GRM1: variants seen among roughly 807,000 people sequenced by gnomAD.
The protein encoded by GRM1 is glutamate metabotropic receptor 1, also known as metabotropic glutamate receptor 1.
In GRM1, 33 loss-of-function variants were observed where a neutral mutation model predicts 90.9. The ratio of observed to expected loss-of-function variants is 0.36; its 90% CI spans 0.28 to 0.49. GRM1 has a LOEUF of 0.49. Among genes scored for constraint, GRM1 ranks in the 20% least tolerant of loss-of-function variants. GRM1 has a pLI of 0.99. For missense variants in GRM1, 1,190 were observed against 1,534.3 expected, an observed-to-expected ratio of 0.78 and a Z score of 3.75; for synonymous variants, 700 against 613.2, an observed-to-expected ratio of 1.14 and a Z score of -2.09.
intron 1 of GRM1, among the ~76,000 whole-genome samples, chr6:146,150,804 A>G (rs1324293397): frequency 6.6e-6 from 1 of 152,150 alleles, no homozygotes; most frequent in African/African-American, 2.4e-5. Context: ...AATATGCAAT[A>G]CTTGTTTTTG....
At position 146,377,006 on chromosome 6, in the gene GRM1, C is replaced by T. The variant is rs138391010; in HGVS notation, c.1603-9884C>T. 5.3e-3 allele frequency among the ~76,000 whole-genome samples: 814 copies of T among 152,212 alleles called. 4 individuals are homozygous for T. The highest frequency in any genetic ancestry group is 8.9e-3 in the Non-Finnish European group (605 of 68,008). On this transcript the variant is annotated intron_variant, in intron 5 of 7. Transcript: ENST00000282753. The stretch of plus-strand genomic sequence containing the variant: ...CTCTCTTGCCTGTCACCATGCAAGA[C>T]GTGACTTTACCCCTCCTTTGCCTTC...
At chr6:146,036,268 G>T (rs998176154) in intron 1 of GRM1, among the ~76,000 whole-genome samples, 3 of 151,840 alleles carry the variant, frequency 2.0e-5, no homozygotes, top group Non-Finnish European at 4.4e-5. Flanking sequence ...AGAATAGTTT[G>T]GTGAACACCT....
intron 5 of GRM1, among the ~76,000 whole-genome samples, chr6:146,373,243 A>G (rs1473027318): frequency 6.6e-6 from 1 of 152,110 alleles, no homozygotes; most frequent in Non-Finnish European, 1.5e-5. Flanking sequence ...TCCCACTGCT[A>G]TAAAGAACTA....
rs943938850 is a variant in GRM1 at position 146,083,842 on chromosome 6, A to G, written c.700+53625A>G. ...CCACTTTGTACCTCTGGTGGAATTC[A>G]GCTGTGAATCTGTCTGGTCCCAGGC... On this transcript the variant is annotated intron_variant, in intron 1 of 7. Transcript: ENST00000282753. 2.6e-5 allele frequency among the ~76,000 whole-genome samples: 4 copies of G among 152,278 alleles called. No individual in the cohort carries two copies. The South Asian group carries it at 6.2e-4, about 24-fold the overall frequency.
rs965667054 is a variant in GRM1 at position 146,029,385 on chromosome 6, G to A, written c.-133G>A. ...GGTGGTGGAGGAGGCAAAGGCCTTG[G>A]ACGACCATTGTTGGCGAGGGGCACC... is the stretch of plus-strand genomic sequence containing the variant. On this transcript the variant is annotated 5_prime_UTR_variant, in exon 1 of 8. Transcript: ENST00000282753. 40 of 784,010 alleles carry A rather than the reference G, an allele frequency of 5.1e-5. No homozygotes were observed. The Admixed American group carries it at 7.1e-4, about 14-fold the overall frequency. 48.6% of individuals were successfully genotyped at this position (784,010 alleles called of 1,614,324 possible).
intron 1 of GRM1, among the ~76,000 whole-genome samples, chr6:146,031,873 T>C (rs1357742531): frequency 1.3e-5 from 2 of 152,172 alleles, no homozygotes; most frequent in African/African-American, 2.4e-5. Context: ...CTAGATTGAA[T>C]GTGATTTATT....
intron 5 of GRM1, among the ~76,000 whole-genome samples, chr6:146,360,101 AAG>A (rs1775408219): frequency 6.6e-6 from 1 of 152,180 alleles, no homozygotes; most frequent in African/African-American, 2.4e-5. Flanking sequence ...GTCAAGATAT[AAG>A]AGAAACAGGC....
intron 1 of GRM1, among the ~76,000 whole-genome samples, chr6:146,130,038 A>T (rs979143324): frequency 6.6e-6 from 1 of 152,154 alleles, no homozygotes; most frequent in Non-Finnish European, 1.5e-5. Context: ...AAAAAATGCC[A>T]GTTGTCAATA....
At chr6:146,134,314 G>C (rs576777418) in intron 1 of GRM1, among the ~76,000 whole-genome samples, 1 of 152,166 alleles carries the variant, frequency 6.6e-6, no homozygotes. Flanking sequence ...TGAATGTAAA[G>C]GGCTTAATTT....
At chr6:146,152,119 A>G (rs368751445) in intron 1 of GRM1, among the ~76,000 whole-genome samples, 1 of 152,304 alleles carries the variant, frequency 6.6e-6, no homozygotes, top group South Asian at 2.1e-4. Context: ...GCAGCAACAT[A>G]TAGCACATTA....
intron 3 of GRM1, among the ~76,000 whole-genome samples, chr6:146,341,987 A>G (rs148892288): frequency 1.6e-3 from 244 of 152,258 alleles, no homozygotes; most frequent in African/African-American, 5.6e-3. Context: ...TTGTGTATTT[A>G]CCCCTAGAAG....
intron 7 of GRM1, among the ~76,000 whole-genome samples, chr6:146,422,036 C>G (rs1778014577): frequency 6.6e-6 from 1 of 152,122 alleles, no homozygotes; most frequent in Non-Finnish European, 1.5e-5. Context: ...TGGTGGCTGT[C>G]ATTCTTTATG....
At position 146,435,706 on chromosome 6, in the gene GRM1, G is replaced by A. The variant is rs1475370733; in HGVS notation, c.*910G>A. On this transcript the variant is annotated 3_prime_UTR_variant, in exon 8 of 8. Coordinates refer to ENST00000282753, the MANE Select transcript of GRM1 (RefSeq NM_001278064.2). ...AAAGGCCGGAACAAGAGATTGTTAC[G>A]AGAGTGGCAGAAACCCTTTTGTAGA... is the stretch of plus-strand genomic sequence containing the variant. 1 of 152,568 alleles carries A rather than the reference G, an allele frequency of 6.6e-6. No individual in the cohort carries two copies. The highest frequency in any genetic ancestry group is 1.5e-5 in the Non-Finnish European group (1 of 68,020). The allele number at this position is 152,568 out of a possible 1,614,324, so 9.5% of individuals were successfully genotyped here.
chr6:146,278,882 T>A (rs1782467584), intron 2 of GRM1, among the ~76,000 whole-genome samples: 1 of 152,152 alleles, frequency 6.6e-6, no homozygotes, highest in Non-Finnish European at 1.5e-5. Context: ...ATTTTTTGTA[T>A]TTTTAGTAGA....
rs1583442501 is a variant in GRM1 at position 146,398,707 on chromosome 6, G to A, written c.1730-62G>A. On this transcript the variant is annotated intron_variant, in intron 6 of 7. Transcript: ENST00000282753. Reference sequence around the variant, plus strand: ...ATGACTGTGTCTCTGGTAATTAATAGGCAAGTTGTTATTCCTAGCAGAAAC... The same window carrying A: ...ATGACTGTGTCTCTGGTAATTAATAAGCAAGTTGTTATTCCTAGCAGAAAC... 4.6e-6 allele frequency: 5 copies of A among 1,093,600 alleles called. No homozygotes were observed. In the East Asian group the frequency reaches 1.2e-4, roughly 26 times the overall value. 67.7% of individuals were successfully genotyped at this position (1,093,600 alleles called of 1,614,324 possible).
intron 1 of GRM1, among the ~76,000 whole-genome samples, chr6:146,077,143 G>A (rs77096077): frequency 0.022 from 3,286 of 152,270 alleles, 54 homozygotes; most frequent in Non-Finnish European, 0.035. Context: ...TGAAGCTACA[G>A]TATGGAGTGA....
chr6:146,033,717 A>T (rs971468098), intron 1 of GRM1, among the ~76,000 whole-genome samples: 1 of 151,944 alleles, frequency 6.6e-6, no homozygotes, highest in African/African-American at 2.4e-5. Context: ...ACATTTGCTT[A>T]CATTTTATAT....
intron 2 of GRM1, among the ~76,000 whole-genome samples, chr6:146,289,683 A>G (rs1782907579): frequency 2.6e-5 from 4 of 152,204 alleles, no homozygotes; most frequent in Admixed American, 2.0e-4. Flanking sequence ...TGTCCTGTAC[A>G]GGGGTACCAT....
chr6:146,036,444 T>A (rs1790894349), intron 1 of GRM1, among the ~76,000 whole-genome samples: 1 of 151,976 alleles, frequency 6.6e-6, no homozygotes, highest in Non-Finnish European at 1.5e-5. Context: ...AACAGAGAGT[T>A]ATCATTAGAT....
Sources: allele counts gnomAD v4.1 joint callset (sites outside exome capture counted in the v4.1 genomes callset), GRCh38; gene constraint gnomAD v4.1.1; transcripts MANE v1.5; gene names NCBI Gene and HGNC (gene_info 2026-07-23, HGNC 2026-07-21).